Variants in GRID2 observed in about 807,000 individuals in gnomAD.
The protein encoded by GRID2 is glutamate ionotropic receptor delta type subunit 2, also known as glutamate receptor ionotropic, delta-2.
Under a neutral mutation model 114.8 loss-of-function variants are expected in GRID2, and 33 were observed. That is an observed-to-expected ratio of 0.29 (90% confidence interval 0.22 to 0.38). The LOEUF (loss-of-function observed/expected upper bound fraction) is 0.38, where lower values mean the gene tolerates loss of function less well. Among genes scored for constraint, GRID2 ranks in the 10% least tolerant of loss-of-function variants. The pLI is 1.00. For synonymous variants in GRID2, 505 were observed against 449.9 expected, an observed-to-expected ratio of 1.12 and a Z score of -1.55; for missense variants, 1,184 against 1,257.7, an observed-to-expected ratio of 0.94 and a Z score of 0.89.
At chr4:93,124,537 G>A (rs967169829) in intron 4 of GRID2, among the ~76,000 whole-genome samples, 1 of 152,152 alleles carries the variant, frequency 6.6e-6, no homozygotes, top group Non-Finnish European at 1.5e-5. Flanking sequence ...TATAGCAAAT[G>A]GATCTTAGTT....
In GRID2 at chr4:92,411,388, A is replaced by C. The variant is rs1180649322; in HGVS notation, c.88+106644A>C. ...TGTGTCTTTCTGTGCAATGACTGGT[A>C]GAAATCTTACAAAATAGAGATCAAT... On this transcript the variant is annotated intron_variant, in intron 1 of 15. Transcript: ENST00000282020. Among the ~76,000 whole-genome samples, 7 of 152,070 alleles carry C rather than the reference A, an allele frequency of 4.6e-5. No individual in the cohort carries two copies. In the East Asian group the frequency reaches 1.4e-3, roughly 29 times the overall value.
intron 2 of GRID2, among the ~76,000 whole-genome samples, chr4:92,977,220 G>A (rs1257073225): frequency 6.6e-6 from 1 of 152,104 alleles, no homozygotes; most frequent in Non-Finnish European, 1.5e-5. Context: ...CGATTAACAG[G>A]AGAAGTTGTG....
rs187667674 is a variant in GRID2 at position 92,463,471 on chromosome 4, C to T, written c.89-126660C>T. ...ATCATTCAGACAACTTTTGGGAAAA[C>T]ATTTAAAAAATAAACTCAAAACTCC... On this transcript the variant is annotated intron_variant, in intron 1 of 15. Coordinates refer to ENST00000282020, the MANE Select transcript of GRID2 (RefSeq NM_001510.4). 1.2e-4 allele frequency among the ~76,000 whole-genome samples: 18 copies of T among 151,990 alleles called. No individual in the cohort carries two copies. In the East Asian group the frequency reaches 3.3e-3, roughly 28 times the overall value.
intron 1 of GRID2, among the ~76,000 whole-genome samples, chr4:92,532,096 A>G (rs1725386528): frequency 6.6e-6 from 1 of 152,170 alleles, no homozygotes; most frequent in African/African-American, 2.4e-5. Flanking sequence ...GAATCCCACT[A>G]AAACAACTTT....
chr4:93,164,575 T>TTGAGAAGTCAGCTGTTTTTAGGCTCTATG (rs1348954190), intron 4 of GRID2, among the ~76,000 whole-genome samples: 3 of 152,094 alleles, frequency 2.0e-5, no homozygotes, highest in African/African-American at 7.2e-5. Context: ...AATAAGTTTA[T>TTGAGAAGTCAGCTGTTTTTAGGCTCTATG]TGAGAAGTCA....
intron 2 of GRID2, among the ~76,000 whole-genome samples, chr4:93,075,951 T>G (rs1176925424): frequency 7.3e-6 from 1 of 136,608 alleles, no homozygotes; most frequent in Non-Finnish European, 1.5e-5. Flanking sequence ...TCACCCAGGC[T>G]GAAGTGCAGT....
intron 4 of GRID2, among the ~76,000 whole-genome samples, chr4:93,172,555 G>A (rs1738939633): frequency 6.6e-6 from 1 of 151,920 alleles, no homozygotes; most frequent in Non-Finnish European, 1.5e-5. Flanking sequence ...TCCAGCCATT[G>A]CACTCCAGCC....
intron 10 of GRID2, among the ~76,000 whole-genome samples, chr4:93,423,600 G>GA (rs368329033): frequency 6.6e-6 from 1 of 151,384 alleles, no homozygotes; most frequent in African/African-American, 2.4e-5. Context: ...GATGTTATTG[G>GA]AAAAAATTAA....
intron 11 of GRID2, among the ~76,000 whole-genome samples, chr4:93,457,035 ACTAT>A (rs956579916): frequency 2.6e-5 from 4 of 152,208 alleles, no homozygotes; most frequent in East Asian, 1.9e-4. Context: ...TTTAATCCAC[ACTAT>A]CTAAGTAGAA....
At chr4:93,575,736 TC>T (rs1205891293) in intron 13 of GRID2, among the ~76,000 whole-genome samples, 10 of 152,180 alleles carry the variant, frequency 6.6e-5, no homozygotes, top group Non-Finnish European at 1.0e-4. Flanking sequence ...TTAATTTGTA[TC>T]TGATCTCTCA....
In GRID2 at chr4:92,718,315, G is replaced by T. The variant is rs11945138; in HGVS notation, c.244+128029G>T. Among the ~76,000 whole-genome samples, 1,375 of 152,136 alleles carry T rather than the reference G, an allele frequency of 9.0e-3. 22 individuals carry two copies. Among genetic ancestry groups the T allele is most frequent in the African/African-American group, 0.032 (1,309 of 41,534 alleles). ...ATATTGGAAAATTTGAAGAAATTAT[G>T]AACTGTGTACTTGTTTACATGGTGT... On this transcript the variant is annotated intron_variant, in intron 2 of 15. Coordinates refer to ENST00000282020, the MANE Select transcript of GRID2 (RefSeq NM_001510.4).
chr4:93,686,712 G>A (rs1041927067), intron 14 of GRID2, among the ~76,000 whole-genome samples: 4 of 151,902 alleles, frequency 2.6e-5, no homozygotes, highest in African/African-American at 9.7e-5. Context: ...GGAGATATCC[G>A]GGAGAAGTGT....
intron 14 of GRID2, among the ~76,000 whole-genome samples, chr4:93,681,248 A>G (rs1025561506): frequency 2.0e-5 from 3 of 151,538 alleles, no homozygotes; most frequent in African/African-American, 7.3e-5. Context: ...TTCAAGAAGA[A>G]CTACAAACCA....
At chr4:93,143,275 A>G (rs772154450) in intron 4 of GRID2, among the ~76,000 whole-genome samples, 2 of 152,234 alleles carry the variant, frequency 1.3e-5, no homozygotes, top group Non-Finnish European at 2.9e-5. Flanking sequence ...ATTATTTTGC[A>G]TTACAACCAA....
At chr4:93,195,194 T>G (rs969537200) in intron 4 of GRID2, among the ~76,000 whole-genome samples, 21 of 152,164 alleles carry the variant, frequency 1.4e-4, no homozygotes, top group African/African-American at 4.8e-4. Flanking sequence ...CAGTTTGAGT[T>G]ACTGGTACAG....
chr4:92,654,787 A>T (rs1419421536), intron 2 of GRID2, among the ~76,000 whole-genome samples: 1 of 151,956 alleles, frequency 6.6e-6, no homozygotes, highest in Non-Finnish European at 1.5e-5. Flanking sequence ...AACTCCTTAT[A>T]TTCTGGATGT....
chr4:92,365,305 A>G (rs1247753605), intron 1 of GRID2, among the ~76,000 whole-genome samples: 1 of 152,118 alleles, frequency 6.6e-6, no homozygotes, highest in East Asian at 1.9e-4. Flanking sequence ...AGCTTTAGAA[A>G]TGGGTGAAAT....
At chr4:93,288,735 A>G (rs1216355769) in intron 8 of GRID2, among the ~76,000 whole-genome samples, 2 of 152,198 alleles carry the variant, frequency 1.3e-5, no homozygotes, top group African/African-American at 4.8e-5. Context: ...TATTTCTAAC[A>G]TATTCTTGTG....
At chr4:92,312,567 A>T (rs1725762301) in intron 1 of GRID2, among the ~76,000 whole-genome samples, 1 of 152,086 alleles carries the variant, frequency 6.6e-6, no homozygotes, top group African/African-American at 2.4e-5. Context: ...GTTGACTAAT[A>T]TTCGGAATAT....
Sources: gnomAD v4.1 joint callset for allele counts (sites outside exome capture counted in the v4.1 genomes callset) on GRCh38, gnomAD v4.1.1 for gene constraint, MANE v1.5 for transcripts, NCBI Gene and HGNC (gene_info 2026-07-23, HGNC 2026-07-21) for gene names.